ZNF407: variants seen among roughly 807,000 people sequenced by gnomAD.
ZNF407 encodes the protein zinc finger protein 407.
In ZNF407, 17 loss-of-function variants were observed where a neutral mutation model predicts 131.2. The observed-to-expected ratio is 0.13, with a 90% CI of 0.09 to 0.19. The LOEUF (loss-of-function observed/expected upper bound fraction) is 0.19. Among genes scored for constraint, ZNF407 ranks in the 10% least tolerant of loss-of-function variants. ZNF407 has a pLI of 1.00. For synonymous variants in ZNF407, 1,156 were observed against 1,062.0 expected, an observed-to-expected ratio of 1.09 and a Z score of -1.72; for missense variants, 2,681 against 2,830.6, an observed-to-expected ratio of 0.95 and a Z score of 1.20.
At chr18:74,936,820 A>T (rs1972045345) in intron 8 of ZNF407, among the ~76,000 whole-genome samples, 1 of 152,236 alleles carries the variant, frequency 6.6e-6, no homozygotes, top group Non-Finnish European at 1.5e-5. Context: ...TAATTAATGA[A>T]AAGCATTTTT....
intron 3 of ZNF407, among the ~76,000 whole-genome samples, chr18:74,738,895 TG>T: frequency 6.6e-6 from 1 of 152,172 alleles, no homozygotes; most frequent in Non-Finnish European, 1.5e-5. Flanking sequence ...TAAGGAGATT[TG>T]AAAAGATATA....
intron 3 of ZNF407, among the ~76,000 whole-genome samples, chr18:74,742,860 G>A (rs572992345): frequency 1.1e-4 from 17 of 152,228 alleles, no homozygotes; most frequent in Admixed American, 3.9e-4. Flanking sequence ...TGCATAGGAG[G>A]TCTTGAATGT....
chr18:74,639,085 C>A (rs1319030379), intron 2 of ZNF407, among the ~76,000 whole-genome samples: 1 of 152,148 alleles, frequency 6.6e-6, no homozygotes, highest in African/African-American at 2.4e-5. Flanking sequence ...TATGTATTGT[C>A]AGCATGCTGT....
chr18:75,063,454 C>T lies in ZNF407; in HGVS notation c.5733C>T (p.Val1911=). 1 of 1,607,388 alleles carries T rather than the reference C, an allele frequency of 6.2e-7. No homozygotes were observed. The highest frequency in any genetic ancestry group is 2.2e-5 in the East Asian group (1 of 44,530). Residue 1911 remains valine, a synonymous_variant, in exon 9 of 9, where the codon GTC becomes GTT. Coordinates refer to ENST00000299687, the MANE Select transcript of ZNF407 (RefSeq NM_017757.3). This position sits in a 1 kb window ranked among gnomAD's most constrained non-coding sequence, Gnocchi z 6.6. ...TGCATATCACGGAGGATGGCCAGGT[C>T]ATCGCCACGAGTCAGAGCGGGGCAC... ...RVVHITEDGQ[V]IATSQSGAHV...
rs908035513 is a variant in ZNF407, at chr18:74,725,126, C to T, written c.4803-56302C>T. On this transcript the variant is annotated intron_variant, in intron 3 of 8. Coordinates refer to ENST00000299687, the MANE Select transcript of ZNF407 (RefSeq NM_017757.3). ...TCAAATGAGCTGTTTGTGTTCTGTA[C>T]CTATTAAGTATGCCTTTTTTTTCTT... 1.4e-4 allele frequency among the ~76,000 whole-genome samples: 21 copies of T among 152,008 alleles called. 1 individual carries two copies. Among genetic ancestry groups the T allele is most frequent in the African/African-American group, 5.1e-4 (21 of 41,356 alleles).
chr18:74,903,240 A>G (rs1971553158), intron 7 of ZNF407, among the ~76,000 whole-genome samples: 1 of 152,234 alleles, frequency 6.6e-6, no homozygotes, highest in Admixed American at 6.5e-5. Flanking sequence ...ATGCTGCTTC[A>G]GTAAAAATGT....
chr18:74,845,253 T>C (rs1035991072), intron 4 of ZNF407, among the ~76,000 whole-genome samples: 2 of 152,238 alleles, frequency 1.3e-5, no homozygotes, highest in Non-Finnish European at 2.9e-5. Flanking sequence ...CTTGAGTTTA[T>C]GTTTGCTTTA....
chr18:74,731,281 G>A (rs1407084149), intron 3 of ZNF407, among the ~76,000 whole-genome samples: 2 of 152,148 alleles, frequency 1.3e-5, no homozygotes, highest in Non-Finnish European at 1.5e-5. Flanking sequence ...TTAGAAAGAC[G>A]GTACCGTTGG....
intron 3 of ZNF407, among the ~76,000 whole-genome samples, chr18:74,724,842 A>G (rs1968120138): frequency 6.6e-6 from 1 of 152,170 alleles, no homozygotes; most frequent in Non-Finnish European, 1.5e-5. Context: ...TTTCATCAGG[A>G]TAGATTCCTA....
At chr18:74,628,897 T>G (rs980248835) in intron 1 of ZNF407, among the ~76,000 whole-genome samples, 2 of 152,216 alleles carry the variant, frequency 1.3e-5, no homozygotes. Context: ...CATTCTTTTT[T>G]ATGACTGAAT....
intron 8 of ZNF407, among the ~76,000 whole-genome samples, chr18:74,989,031 T>A (rs1382169498): frequency 2.0e-5 from 3 of 152,178 alleles, no homozygotes; most frequent in Admixed American, 2.0e-4. Context: ...CCATGAATGC[T>A]CATGGCAACT....
At chr18:74,988,535 T>C (rs2122131412) in intron 8 of ZNF407, among the ~76,000 whole-genome samples, 1 of 151,496 alleles carries the variant, frequency 6.6e-6, no homozygotes, top group South Asian at 2.1e-4. Flanking sequence ...GCCTAGTTCT[T>C]GATTCTAGAG....
chr18:74,909,487 A>G (rs1410036305), intron 7 of ZNF407, among the ~76,000 whole-genome samples: 2 of 152,182 alleles, frequency 1.3e-5, no homozygotes, highest in Non-Finnish European at 2.9e-5. Flanking sequence ...GCAAAATGTT[A>G]AGCAAAACTA....
chr18:74,695,543 A>G (rs1233121418), intron 3 of ZNF407, among the ~76,000 whole-genome samples: 1 of 139,618 alleles, frequency 7.2e-6, no homozygotes, highest in Non-Finnish European at 1.6e-5. Flanking sequence ...TGATTTAAAG[A>G]AAAAAAAAAA....
intron 8 of ZNF407, among the ~76,000 whole-genome samples, chr18:74,992,040 A>G (rs1972724698): frequency 1.3e-5 from 2 of 152,326 alleles, no homozygotes; most frequent in Non-Finnish European, 2.9e-5. Flanking sequence ...TCACAATGGA[A>G]CTGCCACAGC....
At chr18:74,952,966 G>A (rs1043669019) in intron 8 of ZNF407, among the ~76,000 whole-genome samples, 4 of 152,174 alleles carry the variant, frequency 2.6e-5, no homozygotes, top group African/African-American at 9.7e-5. Context: ...ATGGAATATG[G>A]TCATTTGGGC....
At chr18:74,757,435 A>G (rs1012055598) in intron 3 of ZNF407, among the ~76,000 whole-genome samples, 6 of 152,048 alleles carry the variant, frequency 3.9e-5, no homozygotes, top group Non-Finnish European at 8.8e-5. Context: ...TGTTTCATTA[A>G]CACATATTTG....
Position 74,631,016 on chromosome 18 carries a change from A to G in ZNF407, c.-4A>G, listed in dbSNP as rs1167386437. ...TAGATAGAAGCATCGTCAGCACTTT[A>G]TTAATGATGGATAGTGAGAATAAAC... On this transcript the variant is annotated 5_prime_UTR_variant, in exon 2 of 9. Coordinates refer to ENST00000299687, the MANE Select transcript of ZNF407 (RefSeq NM_017757.3). 1.9e-6 allele frequency: 3 copies of G among 1,601,948 alleles called. No homozygotes were observed. The highest frequency in any genetic ancestry group is 2.6e-6 in the Non-Finnish European group (3 of 1,175,314).
chr18:74,747,059 G>A (rs185288260), intron 3 of ZNF407, among the ~76,000 whole-genome samples: 6 of 152,116 alleles, frequency 3.9e-5, no homozygotes, highest in South Asian at 2.1e-4. Context: ...ATAATCTTAC[G>A]GGACCATTGT....
Sources: allele counts gnomAD v4.1 joint callset (sites outside exome capture counted in the v4.1 genomes callset), GRCh38; gene constraint gnomAD v4.1.1; non-coding constraint Gnocchi (gnomAD v3.1); transcripts MANE v1.5; gene names NCBI Gene and HGNC (gene_info 2026-07-23, HGNC 2026-07-21).